Variants in SLC12A7 observed in about 807,000 individuals in gnomAD.
SLC12A7 encodes the protein K-Cl cotransporter 4.
Under a neutral mutation model 120.6 loss-of-function variants are expected in SLC12A7, and 100 were observed. The ratio of observed to expected loss-of-function variants is 0.83; its 90% confidence interval spans 0.71 to 0.98. The LOEUF is 0.98. SLC12A7 is among the 50% of genes least tolerant of loss of function. The pLI, the probability that SLC12A7 is intolerant of heterozygous loss-of-function variation, is 0.00. For missense variants in SLC12A7, 1,373 were observed against 1,548.1 expected (o/e 0.89, Z 1.90); for synonymous variants, 760 against 678.0 (o/e 1.12, Z -1.88).
chr5:1,092,614 G>T (rs1012614276), intron 3 of SLC12A7, among the ~76,000 whole-genome samples: 6 of 152,210 alleles, frequency 3.9e-5, no homozygotes, highest in Admixed American at 3.9e-4. Context: ...GCCGAAGGAG[G>T]GGGGCACAGG....
rs1415244979 is a variant in SLC12A7 at position 1,080,666 on chromosome 5, A to T, written c.1297+911T>A. Among the ~76,000 whole-genome samples, 4 of 152,312 alleles carry T rather than the reference A, an allele frequency of 2.6e-5. No homozygotes were observed. In the East Asian group the frequency reaches 7.7e-4, roughly 29 times the overall value. Reference sequence around the variant, plus strand: ...GCCGGGGGCGTGTGTGTGCGACTCGAAGAGCACGGGGCCTGGCCCCACCCC... The same window carrying T: ...GCCGGGGGCGTGTGTGTGCGACTCGTAGAGCACGGGGCCTGGCCCCACCCC... On this transcript the variant is annotated intron_variant, in intron 9 of 23. Coordinates refer to ENST00000264930, the MANE Select transcript of SLC12A7 (RefSeq NM_006598.3).
chr5:1,075,314 T>C (rs1441751490), intron 15 of SLC12A7, 57 bp downstream of exon 15: 7 of 1,577,120 alleles, frequency 4.4e-6, no homozygotes, highest in East Asian at 4.5e-5. Context: ...AGGCATAGCA[T>C]GAGAGGGGCC....
intron 3 of SLC12A7, among the ~76,000 whole-genome samples, chr5:1,090,367 T>C (rs560458016): frequency 6.6e-6 from 1 of 152,130 alleles, no homozygotes; most frequent in Non-Finnish European, 1.5e-5. Flanking sequence ...GGGATTCACT[T>C]GGTTCCCTGA....
chr5:1,101,985 C>T (rs77123035), intron 1 of SLC12A7, among the ~76,000 whole-genome samples: 7,516 of 152,336 alleles, frequency 0.049, 305 homozygotes, highest in Non-Finnish European at 0.072. Context: ...CAGAGGCAAC[C>T]TCCGGTCTGT....
At chr5:1,131,212 G>A in the SLC12A7 span, among the ~76,000 whole-genome samples, 1 of 152,180 alleles carries the variant, frequency 6.6e-6, no homozygotes, top group Non-Finnish European at 1.5e-5. Context: ...CGGACTCACG[G>A]GGACTTGCAG....
chr5:1,075,539 C>T (rs1258529274), intron 14 of SLC12A7, 49 bp from the exon 15 acceptor site: 1 of 1,578,064 alleles, frequency 6.3e-7, no homozygotes, highest in Non-Finnish European at 8.6e-7. Flanking sequence ...ATGCAGCCCC[C>T]ACACCTCAGC....
At chr5:1,138,240 G>A in the SLC12A7 span, among the ~76,000 whole-genome samples, 3 of 152,108 alleles carry the variant, frequency 2.0e-5, no homozygotes, top group African/African-American at 4.8e-5. Flanking sequence ...GAACCCCAGG[G>A]CACCACCCAC....
the SLC12A7 span, among the ~76,000 whole-genome samples, chr5:1,141,652 T>C: frequency 6.6e-6 from 1 of 152,118 alleles, no homozygotes; most frequent in Non-Finnish European, 1.5e-5. Context: ...TAAGTTAAAA[T>C]TTTTTTTAAA....
chr5:1,137,200 GC>G, the SLC12A7 span, among the ~76,000 whole-genome samples: 2 of 151,982 alleles, frequency 1.3e-5, no homozygotes, highest in South Asian at 2.1e-4. Flanking sequence ...AAGGATTCAT[GC>G]CCCCATCACA....
chr5:1,089,353 A>G (rs1740243194), intron 3 of SLC12A7, among the ~76,000 whole-genome samples: 1 of 152,180 alleles, frequency 6.6e-6, no homozygotes. Context: ...CATGGTTGGC[A>G]GAGAACCAAG....
upstream of SLC12A7, among the ~76,000 whole-genome samples, chr5:1,115,910 G>A (rs1438082155): frequency 1.3e-5 from 2 of 149,942 alleles, no homozygotes; most frequent in African/African-American, 5.0e-5. Flanking sequence ...GTTACCCAAG[G>A]CTAAAGTGAT....
Position 1,087,006 on chromosome 5 carries a change from C to T in SLC12A7, c.572G>A (p.Arg191His), listed in dbSNP as rs780590445. ...PAGGSYYMISRSLGPEFGGAV... is the reference protein window; with the variant it reads ...PAGGSYYMISHSLGPEFGGAV... The stretch of plus-strand genomic sequence containing the variant: ...GCCTCCAAACTCGGGTCCCAGCGAG[C>T]GCGATATCATGTAGTAGGACCCGCC... The change falls in exon 6 of 24, where the codon CGC becomes CAC. Residue 191 changes from arginine (R) to histidine (H), a missense_variant. Physicochemically the swap from Arg to His is conservative, Grantham distance 29. Coordinates refer to ENST00000264930, the MANE Select transcript of SLC12A7 (RefSeq NM_006598.3). 4 of 1,612,696 alleles carry T rather than the reference C, an allele frequency of 2.5e-6. No homozygotes were observed. Among genetic ancestry groups the T allele is most frequent in the Admixed American group, 3.3e-5 (2 of 60,002 alleles).
chr5:1,111,663 G>T (rs1432781898), intron 1 of SLC12A7, among the ~76,000 whole-genome samples: 1 of 152,160 alleles, frequency 6.6e-6, no homozygotes, highest in Non-Finnish European at 1.5e-5. Flanking sequence ...CGTACCGGGA[G>T]CCCTGGCAGG....
chr5:1,154,354 A>AACACACACACAC, the SLC12A7 span, among the ~76,000 whole-genome samples: 455 of 141,788 alleles, frequency 3.2e-3, 4 homozygotes, highest in African/African-American at 8.9e-3. Flanking sequence ...TGGTGTCCGC[A>AACACACACACAC]ACACACACAC....
chr5:1,118,381 A>G, the SLC12A7 span, among the ~76,000 whole-genome samples: 1 of 152,252 alleles, frequency 6.6e-6, no homozygotes, highest in African/African-American at 2.4e-5. Context: ...GAGAGATAAG[A>G]AGATCCCACA....
intron 9 of SLC12A7, among the ~76,000 whole-genome samples, chr5:1,080,885 ACAGG>A (rs112537914): frequency 2.0e-5 from 3 of 152,348 alleles, no homozygotes; most frequent in African/African-American, 7.2e-5. Flanking sequence ...AGAGCAGCAG[ACAGG>A]CTTCTCACAA....
At chr5:1,082,302 T>C (rs55997265) in intron 8 of SLC12A7, among the ~76,000 whole-genome samples, 2 of 138,350 alleles carry the variant, frequency 1.4e-5, no homozygotes, top group South Asian at 2.5e-4. Context: ...CTGGAAAGCC[T>C]GGGCTTCCTC....
At chr5:1,112,845 T>G (rs1743145027), upstream of SLC12A7, among the ~76,000 whole-genome samples, 1 of 142,282 alleles carries the variant, frequency 7.0e-6, no homozygotes, top group African/African-American at 2.5e-5. Context: ...CAGCTCCAGT[T>G]TAGGGACCTA....
At chr5:1,073,454 G>A (rs558841208) in intron 17 of SLC12A7, among the ~76,000 whole-genome samples, 179 bp downstream of exon 17, 38 of 152,354 alleles carry the variant, frequency 2.5e-4, no homozygotes, top group South Asian at 1.7e-3. Flanking sequence ...CCCGGGGTGC[G>A]GCTGGTGCTC....
Sources: gnomAD v4.1 joint callset for allele counts (sites outside exome capture counted in the v4.1 genomes callset) on GRCh38, gnomAD v4.1.1 for gene constraint, MANE v1.5 for transcripts, NCBI Gene and HGNC (gene_info 2026-07-23, HGNC 2026-07-21) for gene names.